The following WWOX variants were observed in gnomAD, a reference collection of about 807,000 sequenced individuals.
WWOX encodes WW domain-containing oxidoreductase.
Under a neutral mutation model 46.2 loss-of-function variants are expected in WWOX, and 69 were observed. That is an observed-to-expected ratio of 1.49 (90% CI 1.23 to 1.82). The LOEUF (loss-of-function observed/expected upper bound fraction) is 1.82. Among genes scored for constraint, WWOX ranks in the 40% most tolerant of loss-of-function variants. The pLI is 0.00. For missense variants in WWOX, 919 were observed against 542.6 expected (o/e 1.69, Z -6.89); for synonymous variants, 359 against 202.6 (o/e 1.77, Z -6.56).
At chr16:78,780,087 A>C (rs925627132) in intron 8 of WWOX, among the ~76,000 whole-genome samples, 3 of 152,184 alleles carry the variant, frequency 2.0e-5, no homozygotes, top group Non-Finnish European at 4.4e-5. Flanking sequence ...TGGTGTGGCC[A>C]TGGTTCTCGT....
intron 8 of WWOX, among the ~76,000 whole-genome samples, chr16:78,953,830 C>T (rs1363756607): frequency 6.6e-6 from 1 of 152,206 alleles, no homozygotes; most frequent in Non-Finnish European, 1.5e-5. Context: ...CATGATCGAG[C>T]CACTCTCCAC....
At chr16:78,377,249 G>C (rs777808499) in intron 5 of WWOX, among the ~76,000 whole-genome samples, 3 of 152,222 alleles carry the variant, frequency 2.0e-5, no homozygotes, top group Non-Finnish European at 4.4e-5. Context: ...ACTTGCATAA[G>C]ATATAGGGCA....
At chr16:79,024,928 G>C (rs1310954265) in intron 8 of WWOX, among the ~76,000 whole-genome samples, 2 of 152,204 alleles carry the variant, frequency 1.3e-5, no homozygotes, top group Non-Finnish European at 2.9e-5. Flanking sequence ...ACACGTGAGT[G>C]TGGGATGAGG....
At chr16:78,524,189 C>G (rs1337844804) in intron 8 of WWOX, among the ~76,000 whole-genome samples, 8 of 152,072 alleles carry the variant, frequency 5.3e-5, no homozygotes, top group Admixed American at 5.2e-4. Context: ...ATAAAGTAAA[C>G]ATTTTTATTG....
At chr16:78,931,135 C>G (rs1378886214) in intron 8 of WWOX, among the ~76,000 whole-genome samples, 1 of 152,174 alleles carries the variant, frequency 6.6e-6, no homozygotes, top group African/African-American at 2.4e-5. Context: ...AAGGTCCTAT[C>G]ATTGTCCTTA....
At chr16:78,895,767 T>C (rs2044687930) in intron 8 of WWOX, 1 of 152,220 alleles carries the variant, frequency 6.6e-6, no homozygotes, top group African/African-American at 2.4e-5. Flanking sequence ...TCTGGCAAAT[T>C]CTGAGATGCT....
intron 8 of WWOX, among the ~76,000 whole-genome samples, chr16:78,517,005 C>T (rs2043248713): frequency 6.6e-6 from 1 of 152,052 alleles, no homozygotes; most frequent in Non-Finnish European, 1.5e-5. Context: ...TAGTGAATTT[C>T]AAGTGGTTTT....
At chr16:78,835,797 C>T (rs916997088) in intron 8 of WWOX, among the ~76,000 whole-genome samples, 3 of 152,170 alleles carry the variant, frequency 2.0e-5, no homozygotes, top group South Asian at 2.1e-4. Context: ...TAGCAGACAT[C>T]TAGAAAAATG....
chr16:78,498,012 C>T (rs898833909), intron 8 of WWOX, among the ~76,000 whole-genome samples: 3 of 151,868 alleles, frequency 2.0e-5, no homozygotes, highest in African/African-American at 7.3e-5. Flanking sequence ...ACCATCCTGG[C>T]TAACATGGTG....
At chr16:78,893,658 C>T (rs1211953012) in intron 8 of WWOX, among the ~76,000 whole-genome samples, 3 of 152,172 alleles carry the variant, frequency 2.0e-5, no homozygotes, top group African/African-American at 7.2e-5. Context: ...CTGGGAGACT[C>T]TTTTGTCTGA....
intron 6 of WWOX, among the ~76,000 whole-genome samples, chr16:78,389,547 T>C (rs766431287): frequency 3.3e-5 from 5 of 152,154 alleles, no homozygotes; most frequent in Non-Finnish European, 7.3e-5. Flanking sequence ...GTGGAAAATA[T>C]TTTGCATGTA....
At chr16:78,874,997 G>A (rs556829975) in intron 8 of WWOX, among the ~76,000 whole-genome samples, 1 of 152,246 alleles carries the variant, frequency 6.6e-6, no homozygotes, top group African/African-American at 2.4e-5. Flanking sequence ...TGAGGACTTG[G>A]CCTCTTAAAG....
chr16:78,222,840 A>T (rs537043275), intron 5 of WWOX, among the ~76,000 whole-genome samples: 1 of 152,332 alleles, frequency 6.6e-6, no homozygotes, highest in Admixed American at 6.5e-5. Context: ...CGCGCTCCAG[A>T]TAAGTAATCT....
intron 8 of WWOX, among the ~76,000 whole-genome samples, chr16:78,877,396 T>G (rs1416341163): frequency 6.6e-6 from 1 of 152,090 alleles, no homozygotes; most frequent in Non-Finnish European, 1.5e-5. Context: ...ACGCTTTGCC[T>G]TTGCTGCTCC....
At chr16:78,927,298 C>T (rs997375353) in intron 8 of WWOX, among the ~76,000 whole-genome samples, 2 of 152,208 alleles carry the variant, frequency 1.3e-5, no homozygotes, top group African/African-American at 4.8e-5. Flanking sequence ...CCAGCAGAGC[C>T]TGCTCTTGGT....
intron 8 of WWOX, among the ~76,000 whole-genome samples, chr16:79,159,877 G>A (rs1032805725): frequency 2.0e-5 from 3 of 152,134 alleles, no homozygotes; most frequent in Admixed American, 1.3e-4. Context: ...AGCTTGGGGT[G>A]TATGCCGCAC....
intron 8 of WWOX, among the ~76,000 whole-genome samples, chr16:79,055,837 C>T (rs1266145246): frequency 6.6e-6 from 1 of 152,132 alleles, no homozygotes; most frequent in East Asian, 1.9e-4. Context: ...ACTTCTTAGG[C>T]TTGTAGATGT....
intron 8 of WWOX, among the ~76,000 whole-genome samples, chr16:78,887,481 A>AGTATAT (rs1263060122): frequency 4.8e-5 from 6 of 125,364 alleles, no homozygotes; most frequent in Non-Finnish European, 6.9e-5. Context: ...ACACACACAC[A>AGTATAT]CACACACACA....
chr16:78,490,814 C>G (rs535536938), intron 8 of WWOX, among the ~76,000 whole-genome samples: 3 of 152,294 alleles, frequency 2.0e-5, no homozygotes, highest in African/African-American at 4.8e-5. Context: ...CAGAGCAGTC[C>G]GTTACTTAGA....
Sources: allele counts gnomAD v4.1 joint callset (sites outside exome capture counted in the v4.1 genomes callset), GRCh38; gene constraint gnomAD v4.1.1; transcripts MANE v1.5; gene names NCBI Gene and HGNC (gene_info 2026-07-23, HGNC 2026-07-21).